Variants in ZNF550 observed in about 807,000 individuals in gnomAD.
ZNF550 encodes the protein zinc finger protein 550.
Under a neutral mutation model 40.2 loss-of-function variants are expected in ZNF550, and 42 were observed. That is an observed-to-expected ratio of 1.05 (90% CI 0.82 to 1.35). The LOEUF is 1.35. ZNF550 is among the 40% of genes most tolerant of loss of function. The probability of loss-of-function intolerance (pLI) is 0.00; values close to 1 mark genes in which losing one functional copy is unlikely to be tolerated. For synonymous variants in ZNF550, 223 were observed against 198.6 expected (o/e 1.12, Z -1.03); for missense variants, 549 against 525.2 (o/e 1.05, Z -0.44).
chr19:57,552,944 T>C (rs2090086548), intron 2 of ZNF550: 2 of 496,850 alleles, frequency 4.0e-6, no homozygotes, highest in African/African-American at 3.8e-5. Flanking sequence ...CGTGACTGTA[T>C]ATGGAGACAG....
At chr19:57,547,351 T>C in exon 4 of ZNF550, 9 of 1,613,364 alleles carry the variant, frequency 5.6e-6, no homozygotes, top group Non-Finnish European at 7.6e-6. Flanking sequence ...AGTAGACCGG[T>C]GGGTGAAGGC....
chr19:57,551,285 G>A (rs79276419), intron 3 of ZNF550, among the ~76,000 whole-genome samples: 1,882 of 152,220 alleles, frequency 0.012, 35 homozygotes, highest in African/African-American at 0.042. Flanking sequence ...CTGGGGAAGT[G>A]GTGAAAATCT....
At chr19:57,557,606 T>G (rs1303394575) in intron 1 of ZNF550, 1 of 152,116 alleles carries the variant, frequency 6.6e-6, no homozygotes, top group Admixed American at 6.6e-5. Context: ...CTTTTCTTCC[T>G]CTATACTTTG....
intron 2 of ZNF550, chr19:57,555,803 C>T (rs2090115169): frequency 4.4e-6 from 1 of 227,222 alleles, no homozygotes; most frequent in Non-Finnish European, 8.8e-6. Flanking sequence ...CAACTAATGA[C>T]CATGCAGGCA....
intron 3 of ZNF550, among the ~76,000 whole-genome samples, chr19:57,551,244 T>G (rs1467659396): frequency 1.3e-5 from 2 of 152,096 alleles, no homozygotes; most frequent in Non-Finnish European, 2.9e-5. Context: ...ATTTTTAACA[T>G]GAAATTAATT....
intron 2 of ZNF550, 180 bp downstream of exon 2, chr19:57,556,051 T>A: frequency 1.4e-6 from 1 of 705,460 alleles, no homozygotes; most frequent in East Asian, 2.9e-5. Flanking sequence ...GGAGTGAGGG[T>A]TTGTGTTAAA....
chr19:57,544,400 A>G (rs1157480537), intron 4 of ZNF550: 1 of 985,222 alleles, frequency 1.0e-6, no homozygotes, highest in Non-Finnish European at 1.2e-6. Context: ...CCTGGAAAGA[A>G]CCCTTTGATG....
At chr19:57,555,954 T>A in intron 2 of ZNF550, 1 of 410,770 alleles carries the variant, frequency 2.4e-6, no homozygotes, top group East Asian at 5.5e-5. Flanking sequence ...TTAATAGGGC[T>A]GTGGCCACAG....
At chr19:57,551,495 G>T (rs1307138271) in intron 3 of ZNF550, among the ~76,000 whole-genome samples, 1 of 152,148 alleles carries the variant, frequency 6.6e-6, no homozygotes, top group Non-Finnish European at 1.5e-5. Context: ...CATTTAAAAT[G>T]AGCAGGACTA....
At chr19:57,559,521 G>A in intron 1 of ZNF550, 135 bp downstream of exon 1, 5 of 842,562 alleles carry the variant, frequency 5.9e-6, no homozygotes, top group Non-Finnish European at 6.4e-6. Context: ...CCGGGACCGC[G>A]CGACCCCCTT....
At chr19:57,550,326 T>C (rs566474619) in intron 3 of ZNF550, among the ~76,000 whole-genome samples, 1 of 152,320 alleles carries the variant, frequency 6.6e-6, no homozygotes, top group South Asian at 2.1e-4. Context: ...TGGGTGTATA[T>C]GCAACAGAAA....
intron 1 of ZNF550, among the ~76,000 whole-genome samples, chr19:57,559,318 G>A (rs866572845): frequency 3.2e-4 from 49 of 152,078 alleles, no homozygotes; most frequent in African/African-American, 9.4e-4. Context: ...TGAAGGACGA[G>A]GACAGTAACG....
rs2089980651 is a variant in ZNF550, at chr19:57,543,600, G to A, written c.*519-357C>T. ...GAGCATAGTGCTTTTTATCTAATTT[G>A]TTCATTAAATGTAACAAAGTTACAA... On this transcript the variant is annotated intron_variant, in intron 4 of 4. Transcript: ENST00000457177. The A allele has an allele frequency of 4.1e-6, 4 of 984,952 alleles. No homozygotes were observed. In the South Asian group the frequency reaches 1.9e-4, roughly 46 times the overall value. 61.0% of individuals were successfully genotyped at this position (984,952 alleles called of 1,614,324 possible). A position where few individuals can be genotyped will look rare whatever the true frequency, so the allele number is the denominator to read the frequency against.
chr19:57,558,379 T>C (rs1053250588), intron 1 of ZNF550, among the ~76,000 whole-genome samples: 2 of 152,158 alleles, frequency 1.3e-5, no homozygotes, highest in African/African-American at 2.4e-5. Context: ...AAGTACAGCC[T>C]TGCAGACCAT....
intron 3 of ZNF550, among the ~76,000 whole-genome samples, chr19:57,549,631 T>C (rs1415746755): frequency 2.0e-5 from 3 of 151,498 alleles, no homozygotes; most frequent in Non-Finnish European, 2.9e-5. Context: ...GGGCAATGGG[T>C]TGAAGGTGAG....
At chr19:57,542,429 A>AT (rs1188613547) in exon 5 of ZNF550, 1 of 151,770 alleles carries the variant, frequency 6.6e-6, no homozygotes, top group Non-Finnish European at 1.5e-5. Flanking sequence ...GTGGTGATAT[A>AT]TTTCATAGCA....
exon 4 of ZNF550, chr19:57,547,922 G>A (rs375879619): frequency 6.6e-5 from 107 of 1,613,968 alleles, no homozygotes; most frequent in African/African-American, 2.9e-4. Context: ...AGGCTTCCCC[G>A]GAGAAAGGCC....
chr19:57,556,115 G>C, intron 2 of ZNF550, 116 bp downstream of exon 2: 2 of 1,355,788 alleles, frequency 1.5e-6, no homozygotes, highest in Non-Finnish European at 2.1e-6. Flanking sequence ...GACCAGTCAG[G>C]AAGAGGTGGG....
chr19:57,559,075 C>T (rs1431169582), intron 1 of ZNF550, among the ~76,000 whole-genome samples: 1 of 152,166 alleles, frequency 6.6e-6, no homozygotes, highest in Non-Finnish European at 1.5e-5. Flanking sequence ...CGCTGCCCTT[C>T]GTGTTGTAGA....
Sources: allele counts gnomAD v4.1 joint callset (sites outside exome capture counted in the v4.1 genomes callset), GRCh38; gene constraint gnomAD v4.1.1; transcripts MANE v1.5; gene names NCBI Gene and HGNC (gene_info 2026-07-23, HGNC 2026-07-21).